The following LINGO2 variants were observed in gnomAD, a reference collection of about 807,000 sequenced individuals.
LINGO2 encodes leucine-rich repeat and immunoglobulin-like domain-containing nogo receptor-interacting protein 2.
Under a neutral mutation model 30.6 loss-of-function variants are expected in LINGO2, and 14 were observed. That is an observed-to-expected ratio of 0.46 (90% CI 0.30 to 0.72). The LOEUF (loss-of-function observed/expected upper bound fraction) is 0.72, where lower values mean the gene tolerates loss of function less well. Among genes scored for constraint, LINGO2 ranks in the 30% least tolerant of loss-of-function variants. LINGO2 has a pLI of 0.07. For missense variants in LINGO2, 729 were observed against 751.7 expected (o/e 0.97, Z 0.35); for synonymous variants, 317 against 288.5 (o/e 1.10, Z -1.00).
At chr9:28,221,365 G>GATAATTGT (rs1336767565) in intron 4 of LINGO2, among the ~76,000 whole-genome samples, 1 of 141,268 alleles carries the variant, frequency 7.1e-6, no homozygotes, top group Non-Finnish European at 1.5e-5. Context: ...CCACAAAAAT[G>GATAATTGT]ATAATTGTGA....
chr9:28,144,959 G>T (rs987361536), intron 4 of LINGO2, among the ~76,000 whole-genome samples: 1 of 152,180 alleles, frequency 6.6e-6, no homozygotes, highest in Non-Finnish European at 1.5e-5. Flanking sequence ...CTTTTGAAAG[G>T]TGAGATTTTA....
chr9:29,179,157 A>AT, the LINGO2 span, among the ~76,000 whole-genome samples: 7 of 54,000 alleles, frequency 1.3e-4, no homozygotes, highest in South Asian at 3.6e-3. Flanking sequence ...TTCTTACTGT[A>AT]AATATATATA....
intron 4 of LINGO2, among the ~76,000 whole-genome samples, chr9:28,064,976 C>T (rs889429646): frequency 1.3e-5 from 2 of 150,808 alleles, no homozygotes; most frequent in South Asian, 4.2e-4. Context: ...TAGATTAGAG[C>T]CCTAGAAAGA....
chr9:28,662,132 A>G (rs993111515), intron 1 of LINGO2, among the ~76,000 whole-genome samples: 6 of 152,148 alleles, frequency 3.9e-5, no homozygotes, highest in African/African-American at 1.2e-4. Flanking sequence ...GCTATGGTAA[A>G]TTACATGTGG....
the LINGO2 span, among the ~76,000 whole-genome samples, chr9:28,974,272 G>T: frequency 6.6e-6 from 1 of 152,228 alleles, no homozygotes; most frequent in South Asian, 2.1e-4. Context: ...TGGGCGTGGT[G>T]GCGGGCACCT....
the LINGO2 span, among the ~76,000 whole-genome samples, chr9:28,788,755 G>A: frequency 3.3e-5 from 5 of 152,070 alleles, no homozygotes; most frequent in East Asian, 1.9e-4. Context: ...TCACTACCAC[G>A]AGAACAGCAT....
intron 4 of LINGO2, among the ~76,000 whole-genome samples, chr9:28,179,190 C>T (rs1430936607): frequency 1.4e-5 from 2 of 139,702 alleles, no homozygotes; most frequent in African/African-American, 5.2e-5. Context: ...TAGCTAATAG[C>T]ATCTCTAAGA....
intron 4 of LINGO2, among the ~76,000 whole-genome samples, chr9:28,071,923 T>C (rs1432363825): frequency 6.6e-6 from 1 of 152,206 alleles, no homozygotes; most frequent in African/African-American, 2.4e-5. Context: ...TTGGAGGCAT[T>C]CAGTTCCCAA....
chr9:29,114,644 C>T, the LINGO2 span, among the ~76,000 whole-genome samples: 4 of 146,668 alleles, frequency 2.7e-5, no homozygotes, highest in Admixed American at 7.0e-5. Flanking sequence ...TGAGTGAGAA[C>T]ATGCAGTGAT....
intron 1 of LINGO2, among the ~76,000 whole-genome samples, chr9:28,568,080 A>C (rs115716220): frequency 1.3e-5 from 2 of 152,120 alleles, no homozygotes; most frequent in African/African-American, 4.8e-5. Flanking sequence ...AGGTGGCAGA[A>C]TAAGAGTTTT....
intron 5 of LINGO2, among the ~76,000 whole-genome samples, chr9:27,962,193 A>G (rs933240622): frequency 2.0e-5 from 3 of 152,126 alleles, no homozygotes; most frequent in Admixed American, 6.6e-5. Context: ...TTGACGGTAA[A>G]GTGCGAGTCG....
chr9:28,539,984 T>C (rs1472678845), intron 1 of LINGO2, among the ~76,000 whole-genome samples: 1 of 152,114 alleles, frequency 6.6e-6, no homozygotes, highest in African/African-American at 2.4e-5. Context: ...TACTTTCCTA[T>C]CTGTTTCTCT....
At chr9:28,812,356 T>A in the LINGO2 span, among the ~76,000 whole-genome samples, 446 of 152,278 alleles carry the variant, frequency 2.9e-3, 1 homozygote, top group African/African-American at 0.01. Flanking sequence ...CTAAATTTTT[T>A]AAAAATGAAA....
At chr9:29,184,504 AT>A in the LINGO2 span, among the ~76,000 whole-genome samples, 1 of 152,162 alleles carries the variant, frequency 6.6e-6, no homozygotes, top group African/African-American at 2.4e-5. Context: ...ATTCAGGTTG[AT>A]GACTAAAGCA....
intron 2 of LINGO2, among the ~76,000 whole-genome samples, chr9:28,416,590 G>A (rs1822977177): frequency 6.6e-6 from 1 of 152,092 alleles, no homozygotes; most frequent in African/African-American, 2.4e-5. Context: ...TACAATGAGT[G>A]AATCCCTTCT....
intron 3 of LINGO2, among the ~76,000 whole-genome samples, chr9:28,337,807 C>T (rs1393580502): frequency 2.6e-5 from 4 of 152,102 alleles, no homozygotes; most frequent in African/African-American, 9.7e-5. Flanking sequence ...TGGGAACATC[C>T]ACCTAGATTT....
intron 4 of LINGO2, among the ~76,000 whole-genome samples, chr9:28,242,113 G>A (rs1243006416): frequency 6.6e-6 from 1 of 152,156 alleles, no homozygotes; most frequent in Non-Finnish European, 1.5e-5. Flanking sequence ...AGAATTGGAT[G>A]GAGGATGAGA....
At chr9:28,637,074 A>T (rs1827317078) in intron 1 of LINGO2, among the ~76,000 whole-genome samples, 1 of 152,198 alleles carries the variant, frequency 6.6e-6, no homozygotes, top group Non-Finnish European at 1.5e-5. Context: ...TTTATTAAAT[A>T]GGCAATCCTT....
At chr9:28,785,656 TTCTC>T in the LINGO2 span, among the ~76,000 whole-genome samples, 1 of 59,794 alleles carries the variant, frequency 1.7e-5, no homozygotes, top group Admixed American at 2.8e-4. Flanking sequence ...CCCAGGGCCC[TTCTC>T]TCTCTCTCCA....
Sources: gnomAD v4.1 joint callset for allele counts (sites outside exome capture counted in the v4.1 genomes callset) on GRCh38, gnomAD v4.1.1 for gene constraint, MANE v1.5 for transcripts, NCBI Gene and HGNC (gene_info 2026-07-23, HGNC 2026-07-21) for gene names.